Variants in PXDNL observed in about 807,000 individuals in gnomAD.
PXDNL encodes the protein probable oxidoreductase PXDNL.
In PXDNL, 145 loss-of-function variants were observed where a neutral mutation model predicts 150.8. The observed-to-expected ratio is 0.96, with a 90% CI of 0.84 to 1.10. PXDNL has a LOEUF of 1.10. Ranked by LOEUF, PXDNL falls within the 50% of genes least tolerant of loss-of-function variation. The pLI, the probability that PXDNL is intolerant of heterozygous loss-of-function variation, is 0.00. For missense variants in PXDNL, 2,087 were observed against 1,873.9 expected (o/e 1.11, Z -2.10); for synonymous variants, 757 against 725.7 (o/e 1.04, Z -0.69).
chr8:51,535,274 A>C (rs1302032253), intron 4 of PXDNL, among the ~76,000 whole-genome samples: 1 of 116,462 alleles, frequency 8.6e-6, no homozygotes, highest in Non-Finnish European at 1.6e-5. Flanking sequence ...GTGGAATAGA[A>C]AGGCGGGAAG....
rs765671343 is a variant in PXDNL at position 51,478,890 on chromosome 8, G to A, written c.525-3749C>T. ...GACCCATCGGGACTTCATGGACCCT[G>A]AGCAGGTTGCTCAAATCATCTGTAT... On this transcript the variant is annotated intron_variant, in intron 6 of 22. Coordinates refer to ENST00000356297, the MANE Select transcript of PXDNL (RefSeq NM_144651.5). Among the ~76,000 whole-genome samples, 11 of 152,206 alleles carry A rather than the reference G, an allele frequency of 7.2e-5. 1 individual carries two copies. The highest frequency in any genetic ancestry group is 1.6e-4 in the Non-Finnish European group (11 of 68,032).
chr8:51,441,990 G>A (rs879937688), intron 12 of PXDNL, among the ~76,000 whole-genome samples: 2 of 152,014 alleles, frequency 1.3e-5, no homozygotes, highest in Admixed American at 6.6e-5. Flanking sequence ...AGGAGAGGTC[G>A]CCACACTGCT....
chr8:51,447,159 C>G lies in PXDNL; in HGVS notation c.1370G>C (p.Gly457Ala). The G allele has an allele frequency of 6.2e-7, 1 of 1,612,364 alleles. No individual in the cohort carries two copies. The highest frequency in any genetic ancestry group is 2.2e-5 in the East Asian group (1 of 44,834). ...ATGCTGGCCTTCCACAGGGAGCTGC[C>G]CTCCTGCAAAAAGAGGTAAAGAAAG... ...PPVIVWTKTGGQLPVEGQHTV... is the reference protein window; with the variant it reads ...PPVIVWTKTGAQLPVEGQHTV... The change falls in exon 12 of 23, where the codon GGG becomes GCG. Residue 457 changes from glycine (G) to alanine (A), a missense_variant. By Grantham distance (60) the Gly-to-Ala change is moderately conservative. Coordinates refer to ENST00000356297, the MANE Select transcript of PXDNL (RefSeq NM_144651.5).
intron 2 of PXDNL, among the ~76,000 whole-genome samples, chr8:51,639,273 A>G (rs1283101248): frequency 6.6e-6 from 1 of 152,222 alleles, no homozygotes; most frequent in African/African-American, 2.4e-5. Context: ...CTGACACCCT[A>G]ACATCACAAT....
intron 3 of PXDNL, among the ~76,000 whole-genome samples, chr8:51,577,947 G>T (rs1172147687): frequency 1.3e-5 from 1 of 76,744 alleles, no homozygotes; most frequent in Non-Finnish European, 2.6e-5. Context: ...AAGAAAGAAA[G>T]AAAGAAAGAA....
intron 4 of PXDNL, among the ~76,000 whole-genome samples, chr8:51,553,123 G>A (rs1185270181): frequency 6.6e-6 from 1 of 152,218 alleles, no homozygotes; most frequent in African/African-American, 2.4e-5. Flanking sequence ...CCTTGACTCT[G>A]TGTCCTGCCT....
chr8:51,782,835 T>C (rs1431299532), intron 1 of PXDNL, among the ~76,000 whole-genome samples: 2 of 152,212 alleles, frequency 1.3e-5, no homozygotes, highest in African/African-American at 4.8e-5. Flanking sequence ...AGGCAGAAAA[T>C]TCACTTTAGT....
intron 1 of PXDNL, among the ~76,000 whole-genome samples, chr8:51,740,944 G>A (rs1225353497): frequency 1.3e-5 from 2 of 152,154 alleles, no homozygotes; most frequent in Non-Finnish European, 2.9e-5. Context: ...ATCTCCTCCA[G>A]GTTTTGGTAT....
intron 6 of PXDNL, among the ~76,000 whole-genome samples, chr8:51,479,683 G>A (rs1364026241): frequency 6.6e-6 from 1 of 152,204 alleles, no homozygotes; most frequent in African/African-American, 2.4e-5. Context: ...GACGTAGGGA[G>A]TGAAATAATA....
chr8:51,717,605 G>A (rs1165101015), intron 1 of PXDNL, among the ~76,000 whole-genome samples: 2 of 152,184 alleles, frequency 1.3e-5, no homozygotes, highest in African/African-American at 4.8e-5. Context: ...GACCTGGGCT[G>A]GAAGCACAAG....
At chr8:51,646,720 A>G (rs575417553) in intron 2 of PXDNL, among the ~76,000 whole-genome samples, 6 of 152,152 alleles carry the variant, frequency 3.9e-5, no homozygotes, top group Non-Finnish European at 7.3e-5. Flanking sequence ...AGAGAGAGGG[A>G]AAGAGGTGTC....
At chr8:51,525,378 A>G (rs1811748421) in intron 4 of PXDNL, among the ~76,000 whole-genome samples, 1 of 152,226 alleles carries the variant, frequency 6.6e-6, no homozygotes, top group South Asian at 2.1e-4. Context: ...TGCATTAACA[A>G]ACCCTAAAAA....
At chr8:51,476,353 T>C (rs1479403058) in intron 6 of PXDNL, among the ~76,000 whole-genome samples, 2 of 152,334 alleles carry the variant, frequency 1.3e-5, no homozygotes, top group East Asian at 3.9e-4. Flanking sequence ...ATGTGTTCTC[T>C]GTGTTTTCCA....
At position 51,597,403 on chromosome 8, in the gene PXDNL, T is replaced by C. The variant is rs375944665; in HGVS notation, c.237-4705A>G. 4.1e-4 allele frequency among the ~76,000 whole-genome samples: 62 copies of C among 152,296 alleles called. 2 individuals carry two copies. The East Asian group carries it at 0.011, about 28-fold the overall frequency. ...TTTTGGAGGTATTTAGGGTTTCATA[T>C]AAATTTTAGAATAGTTTTTTTCCAA... On this transcript the variant is annotated intron_variant, in intron 2 of 22. Coordinates refer to ENST00000356297, the MANE Select transcript of PXDNL (RefSeq NM_144651.5).
chr8:51,526,211 C>A (rs1047004514), intron 4 of PXDNL, among the ~76,000 whole-genome samples: 1 of 152,052 alleles, frequency 6.6e-6, no homozygotes, highest in African/African-American at 2.4e-5. Context: ...ATGGGGCTGG[C>A]GAGGCAGGTA....
At chr8:51,757,237 C>T (rs941176789) in intron 1 of PXDNL, among the ~76,000 whole-genome samples, 3 of 152,142 alleles carry the variant, frequency 2.0e-5, no homozygotes, top group African/African-American at 7.2e-5. Context: ...GTCAATTCCT[C>T]TAGACTTGTT....
chr8:51,384,690 A>T (rs1423359678), intron 17 of PXDNL, among the ~76,000 whole-genome samples: 1 of 152,146 alleles, frequency 6.6e-6, no homozygotes, highest in African/African-American at 2.4e-5. Flanking sequence ...TTAAACAAGT[A>T]TATAATACTA....
At chr8:51,704,859 C>G (rs1032904571) in intron 1 of PXDNL, among the ~76,000 whole-genome samples, 2 of 151,960 alleles carry the variant, frequency 1.3e-5, no homozygotes, top group African/African-American at 2.4e-5. Context: ...TGTGTATATT[C>G]TAGATCTTAA....
At chr8:51,580,730 A>G (rs1813191255) in intron 3 of PXDNL, among the ~76,000 whole-genome samples, 3 of 152,314 alleles carry the variant, frequency 2.0e-5, no homozygotes, top group African/African-American at 7.2e-5. Flanking sequence ...ATCACTTTGT[A>G]GAATAGAAGG....
Sources: gnomAD v4.1 joint callset for allele counts (sites outside exome capture counted in the v4.1 genomes callset) on GRCh38, gnomAD v4.1.1 for gene constraint, MANE v1.5 for transcripts, NCBI Gene and HGNC (gene_info 2026-07-23, HGNC 2026-07-21) for gene names.